The following ADD1 variants were observed in gnomAD, a reference collection of about 807,000 sequenced individuals.
ADD1 encodes the protein alpha-adducin.
ADD1 carries 24 observed loss-of-function variants against 80.5 expected under a neutral mutation model. The observed-to-expected ratio is 0.30, with a 90% CI of 0.22 to 0.42. The LOEUF is 0.42. ADD1 is among the 10% of genes least tolerant of loss of function. The pLI, the probability that ADD1 is intolerant of heterozygous loss-of-function variation, is 1.00. For synonymous variants in ADD1, 373 were observed against 393.8 expected, an observed-to-expected ratio of 0.95 and a Z score of 0.63; for missense variants, 948 against 1,019.0, an observed-to-expected ratio of 0.93 and a Z score of 0.95.
chr4:2,847,408 C>CAA (rs112349461), intron 1 of ADD1, among the ~76,000 whole-genome samples: 179 of 147,928 alleles, frequency 1.2e-3, no homozygotes, highest in African/African-American at 2.0e-3. Context: ...AACTCCGTCT[C>CAA]AAAAAAAAAA....
At chr4:2,859,870 C>T (rs773956880) in intron 1 of ADD1, among the ~76,000 whole-genome samples, 8 of 151,676 alleles carry the variant, frequency 5.3e-5, no homozygotes, top group Middle Eastern at 6.8e-3. Context: ...TAATGACATA[C>T]TTTTCCATCT....
At chr4:2,908,364 G>C in intron 11 of ADD1, 151 bp from the exon 12 acceptor site, 1 of 671,620 alleles carries the variant, frequency 1.5e-6, no homozygotes, top group South Asian at 1.8e-5. Flanking sequence ...CGGTCACTCA[G>C]AACACATGGG....
intron 4 of ADD1, among the ~76,000 whole-genome samples, chr4:2,888,166 C>G (rs1168393914): frequency 6.6e-6 from 1 of 151,264 alleles, no homozygotes; most frequent in African/African-American, 2.4e-5. Flanking sequence ...TTCAAGTGAT[C>G]CTCCTGCCTC....
intron 1 of ADD1, among the ~76,000 whole-genome samples, chr4:2,855,981 G>A (rs1727996607): frequency 6.6e-6 from 1 of 150,604 alleles, no homozygotes; most frequent in African/African-American, 2.4e-5. Context: ...TTACAGGCGT[G>A]CACCACCATT....
chr4:2,908,962 G>A (rs977029208), intron 12 of ADD1: 5 of 442,414 alleles, frequency 1.1e-5, no homozygotes, highest in African/African-American at 7.9e-5. Context: ...GGTACATATT[G>A]CTGTCTGCAA....
intron 4 of ADD1, among the ~76,000 whole-genome samples, chr4:2,893,612 CA>C (rs201849177): frequency 0.013 from 1,654 of 127,594 alleles, 16 homozygotes; most frequent in African/African-American, 0.037. Flanking sequence ...GACCCTGTCT[CA>C]AAAAAAAAAA....
At chr4:2,873,011 T>C (rs542311639) in intron 1 of ADD1, among the ~76,000 whole-genome samples, 1 of 152,312 alleles carries the variant, frequency 6.6e-6, no homozygotes, top group Admixed American at 6.5e-5. Flanking sequence ...TATTATTTTT[T>C]AAGACGGAGT....
At chr4:2,852,308 T>TCC in intron 1 of ADD1, among the ~76,000 whole-genome samples, 3 of 144,328 alleles carry the variant, frequency 2.1e-5, no homozygotes, top group African/African-American at 7.8e-5. Context: ...TTTCTTTTCT[T>TCC]TTTTTTCTTT....
At chr4:2,913,258 G>C in intron 13 of ADD1, among the ~76,000 whole-genome samples, 1 of 152,222 alleles carries the variant, frequency 6.6e-6, no homozygotes, top group East Asian at 1.9e-4. Context: ...AGTGATATCA[G>C]GATGCAGGTG....
At chr4:2,924,069 T>C (rs1331938490) in intron 14 of ADD1, among the ~76,000 whole-genome samples, 2 of 152,258 alleles carry the variant, frequency 1.3e-5, no homozygotes, top group Non-Finnish European at 2.9e-5. Context: ...GTGAAAATGC[T>C]GACTGCCCTG....
chr4:2,903,412 A>G (rs897509577), intron 9 of ADD1, among the ~76,000 whole-genome samples: 1 of 152,160 alleles, frequency 6.6e-6, no homozygotes, highest in Admixed American at 6.5e-5. Context: ...GTGGGGCAGG[A>G]GTCCAGGCAC....
At chr4:2,859,963 C>T (rs1728614827) in intron 1 of ADD1, among the ~76,000 whole-genome samples, 1 of 148,578 alleles carries the variant, frequency 6.7e-6, no homozygotes, top group Non-Finnish European at 1.5e-5. Flanking sequence ...CAGGTTAGTA[C>T]TGTTAATCCC....
intron 15 of ADD1, among the ~76,000 whole-genome samples, chr4:2,927,147 G>C (rs945507182): frequency 6.6e-6 from 1 of 152,228 alleles, no homozygotes; most frequent in South Asian, 2.1e-4. Flanking sequence ...CTCAGATGAT[G>C]GCAGCTCTCC....
At chr4:2,869,025 G>A (rs1282984241) in intron 1 of ADD1, among the ~76,000 whole-genome samples, 1 of 152,170 alleles carries the variant, frequency 6.6e-6, no homozygotes, top group Non-Finnish European at 1.5e-5. Context: ...TGTGTTTTCT[G>A]TGCTACTCCC....
intron 5 of ADD1, 62 bp from the exon 6 acceptor site, chr4:2,894,520 A>G: frequency 6.7e-7 from 1 of 1,503,744 alleles, no homozygotes; most frequent in South Asian, 1.3e-5. Context: ...AAAAAAAAAA[A>G]AAAAAGAAAA....
chr4:2,849,825 ATG>A (rs1205766402), intron 1 of ADD1, among the ~76,000 whole-genome samples: 1 of 152,138 alleles, frequency 6.6e-6, no homozygotes, highest in Non-Finnish European at 1.5e-5. Flanking sequence ...GCTCTTCACT[ATG>A]GGTTTACTGT....
intron 3 of ADD1, 97 bp from the exon 4 acceptor site, chr4:2,884,418 T>A: frequency 8.1e-6 from 8 of 982,456 alleles, no homozygotes; most frequent in Non-Finnish European, 1.2e-5. Flanking sequence ...CTCAAACTCA[T>A]GGCTTCAAGT....
chr4:2,855,646 TC>T (rs1237989221), intron 1 of ADD1, among the ~76,000 whole-genome samples: 5 of 151,852 alleles, frequency 3.3e-5, no homozygotes, highest in African/African-American at 7.2e-5. Flanking sequence ...TTTTTTTTTT[TC>T]TTTTTAAAGA....
In ADD1 at chr4:2,928,769, G is replaced by A. The variant is rs146995313; in HGVS notation, c.*246G>A. The A allele has an allele frequency of 8.7e-5, 44 of 505,686 alleles. 3 individuals carry two copies. The highest frequency in any genetic ancestry group is 4.2e-4 in the African/African-American group (21 of 49,710). 31.3% of individuals were successfully genotyped at this position (505,686 alleles called of 1,614,324 possible). A position where few individuals can be genotyped will look rare whatever the true frequency, so the allele number is the denominator to read the frequency against. ...TGGGGGAGACATGCTCTCCCCACAG[G>A]GGGGAGGCACTAAGTCATGGTCCTG... On this transcript the variant is annotated 3_prime_UTR_variant, in exon 16 of 16. Coordinates refer to ENST00000683351, the MANE Select transcript of ADD1 (RefSeq NM_001354761.2).
Sources: gnomAD v4.1 joint callset for allele counts (sites outside exome capture counted in the v4.1 genomes callset) on GRCh38, gnomAD v4.1.1 for gene constraint, MANE v1.5 for transcripts, NCBI Gene and HGNC (gene_info 2026-07-23, HGNC 2026-07-21) for gene names.